The following NAA16 variants were observed in gnomAD, a reference collection of about 807,000 sequenced individuals.
NAA16 encodes the protein N-alpha-acetyltransferase 16, NatA auxiliary subunit, also known as NARG1-like protein.
In NAA16, 97 loss-of-function variants were observed where a neutral mutation model predicts 110.3. The ratio of observed to expected loss-of-function variants is 0.88; its 90% CI spans 0.75 to 1.04. The LOEUF (loss-of-function observed/expected upper bound fraction) is 1.04. Among genes scored for constraint, NAA16 ranks in the 50% least tolerant of loss-of-function variants. The pLI is 0.00. For synonymous variants in NAA16, 372 were observed against 330.6 expected (o/e 1.13, Z -1.36); for missense variants, 1,017 against 1,005.1 (o/e 1.01, Z -0.16).
intron 10 of NAA16, among the ~76,000 whole-genome samples, chr13:41,357,442 C>T (rs1181068117): frequency 1.3e-5 from 2 of 152,154 alleles, no homozygotes; most frequent in African/African-American, 2.4e-5. Flanking sequence ...TACTTGGTTC[C>T]CTTGAAATAT....
chr13:41,327,070 C>T (rs945885836), intron 6 of NAA16, among the ~76,000 whole-genome samples: 1 of 152,036 alleles, frequency 6.6e-6, no homozygotes, highest in Non-Finnish European at 1.5e-5. Flanking sequence ...CATCTCTTGC[C>T]TGAGAAAGAT....
chr13:41,341,221 A>G (rs2042536738), intron 9 of NAA16, among the ~76,000 whole-genome samples: 1 of 152,172 alleles, frequency 6.6e-6, no homozygotes, highest in Non-Finnish European at 1.5e-5. Context: ...AGGTTGCTGT[A>G]TATAGCATAG....
chr13:41,369,169 A>G lies in NAA16; in HGVS notation c.1833A>G (p.Glu611=). ...RAQKKAKLEE[E]RKHAERERQQ... Reference sequence around the variant, plus strand: ...AGAAAAAGGCTAAACTAGAAGAAGAAAGAAAGCATGCAGAAAGAGAACGTC... The same window carrying G: ...AGAAAAAGGCTAAACTAGAAGAAGAGAGAAAGCATGCAGAAAGAGAACGTC... Residue 611 remains glutamate (E), a synonymous_variant, in exon 15 of 20, where the codon GAA becomes GAG. Transcript: ENST00000379406. 6.3e-7 allele frequency: 1 copy of G among 1,598,322 alleles called. No individual in the cohort carries two copies. The highest frequency in any genetic ancestry group is 8.5e-7 in the Non-Finnish European group (1 of 1,174,304).
Position 41,328,706 on chromosome 13 carries a change from C to T in NAA16, c.692-18C>T. On this transcript the variant is annotated intron_variant, in intron 6 of 19. Coordinates refer to ENST00000379406, the MANE Select transcript of NAA16 (RefSeq NM_024561.5). ...TATTTAATGTTTAAAATGAATATGTCTTTAAACTTAATTTCAGGGGAAATA... is the reference window on the plus strand; with the variant it reads ...TATTTAATGTTTAAAATGAATATGTTTTTAAACTTAATTTCAGGGGAAATA... The T allele has an allele frequency of 1.9e-6, 3 of 1,589,848 alleles. No individual in the cohort carries two copies. Among genetic ancestry groups the T allele is most frequent in the Non-Finnish European group, 2.6e-6 (3 of 1,162,784 alleles).
chr13:41,324,166 TCTTTA>T (rs1201482249), intron 5 of NAA16, among the ~76,000 whole-genome samples: 1 of 152,098 alleles, frequency 6.6e-6, no homozygotes, highest in African/African-American at 2.4e-5. Context: ...AAGGCCACCG[TCTTTA>T]CTTAGGTTTT....
At chr13:41,359,270 C>A (rs1349926820) in intron 12 of NAA16, among the ~76,000 whole-genome samples, 1 of 152,104 alleles carries the variant, frequency 6.6e-6, no homozygotes, top group East Asian at 1.9e-4. Context: ...TATCTCAAAT[C>A]CTTTGTCCCC....
Position 41,358,926 on chromosome 13 carries a change from A to G in NAA16, c.1374A>G (p.Ile458Met), listed in dbSNP as rs572163767. ...CAKYMLRANM[I>M]KEAEEMCSKF... ...AATACATGCTTCGAGCAAATATGAT[A>G]AAAGAAGCAGAGGAAATGTGCTCCA... is the stretch of plus-strand genomic sequence containing the variant. Residue 458 changes from isoleucine to methionine, a missense_variant, in exon 12 of 20, where the codon ATA (isoleucine) becomes ATG (methionine). By Grantham distance (10) the Ile-to-Met change is conservative. Coordinates refer to ENST00000379406, the MANE Select transcript of NAA16 (RefSeq NM_024561.5). The G allele has an allele frequency of 3.7e-5, 60 of 1,610,968 alleles. No homozygotes were observed. In the South Asian group the frequency reaches 6.4e-4, roughly 17 times the overall value.
rs1381163173 is a variant in NAA16, at chr13:41,325,820, A to C, written c.660A>C (p.Ile220=). Residue 220 remains isoleucine (I), a synonymous_variant, in exon 6 of 20, where the codon ATA becomes ATC. Coordinates refer to ENST00000379406, the MANE Select transcript of NAA16 (RefSeq NM_024561.5). ...ATATAGAAATGTATGAGAAACAAAT[A>C]TGTGATAAACTTTTGGTGGAAGAAA... The part of the protein sequence containing the change: ...LEHIEMYEKQ[I]CDKLLVEEIK... 6.2e-7 allele frequency: 1 copy of C among 1,607,518 alleles called. No individual in the cohort carries two copies. Among genetic ancestry groups the C allele is most frequent in the East Asian group, 2.2e-5 (1 of 44,644 alleles).
intron 15 of NAA16, among the ~76,000 whole-genome samples, chr13:41,370,452 T>C (rs1410373355): frequency 6.6e-6 from 1 of 152,182 alleles, no homozygotes; most frequent in Non-Finnish European, 1.5e-5. Context: ...AACTGTACCA[T>C]TTTGTGCAAA....
In NAA16 at chr13:41,355,187, T is replaced by G; in HGVS notation, c.1058T>G (p.Leu353Arg). The G allele has an allele frequency of 2.5e-6, 4 of 1,589,658 alleles. No homozygotes were observed. Among genetic ancestry groups the G allele is most frequent in the Non-Finnish European group, 3.4e-6 (4 of 1,167,748 alleles). ...QELVTNYEAS[L>R]KTCDFFSPYE... is the part of the protein sequence containing the mutation. ...CTTGTTACTAATTATGAAGCCTCTC[T>G]TAAAACGTGTGACTTTTTTAGCCCA... is the stretch of plus-strand genomic sequence containing the variant. Residue 353 changes from leucine to arginine, a missense_variant, in exon 10 of 20, where the codon CTT (leucine) becomes CGT (arginine). Transcript: ENST00000379406.
intron 4 of NAA16, among the ~76,000 whole-genome samples, 169 bp downstream of exon 4, chr13:41,320,993 A>T (rs193270852): frequency 6.6e-6 from 1 of 152,202 alleles, no homozygotes; most frequent in African/African-American, 2.4e-5. Context: ...GGCACTTTGT[A>T]CTTGAGTATT....
chr13:41,336,603 A>T (rs2042387396), intron 8 of NAA16, 47 bp from the exon 9 acceptor site: 1 of 1,139,724 alleles, frequency 8.8e-7, no homozygotes, highest in South Asian at 1.5e-5. Context: ...CATTTTAAGA[A>T]TTGTTTGCGT....
chr13:41,375,533 T>C lies in NAA16; in HGVS notation c.2526T>C (p.Asn842=), dbSNP rs1328712669. Reference sequence around the variant, plus strand: ...CATCTGCCTTCTTGCCTGCTGTGAATGAAGTCGACAATCCTAATGTGGCAC... The same window carrying C: ...CATCTGCCTTCTTGCCTGCTGTGAACGAAGTCGACAATCCTAATGTGGCAC... The part of the protein sequence containing the change: ...PFTSAFLPAV[N]EVDNPNVALN... Residue 842 remains asparagine, a synonymous_variant, in exon 20 of 20, where the codon AAT becomes AAC. Transcript: ENST00000379406. 4 of 1,614,120 alleles carry C rather than the reference T, an allele frequency of 2.5e-6. No individual in the cohort carries two copies. The South Asian group carries it at 3.3e-5, about 13-fold the overall frequency.
intron 3 of NAA16, among the ~76,000 whole-genome samples, chr13:41,319,907 T>C (rs76029642): frequency 6.6e-6 from 1 of 152,206 alleles, no homozygotes; most frequent in Non-Finnish European, 1.5e-5. Flanking sequence ...GCATTTTTTT[T>C]CACATATTGC....
At chr13:41,356,173 A>ACACGCG (rs2042978018) in intron 10 of NAA16, among the ~76,000 whole-genome samples, 2 of 150,284 alleles carry the variant, frequency 1.3e-5, no homozygotes, top group African/African-American at 5.0e-5. Flanking sequence ...GTGTGTGTGC[A>ACACGCG]TACGCGCGCA....
At chr13:41,352,534 A>T (rs866822727) in intron 9 of NAA16, among the ~76,000 whole-genome samples, 2 of 151,924 alleles carry the variant, frequency 1.3e-5, no homozygotes, top group Non-Finnish European at 2.9e-5. Context: ...GCACACCTTT[A>T]GTTCCAGCTA....
chr13:41,375,826 G>T lies in NAA16; in HGVS notation c.*224G>T. The T allele has an allele frequency of 2.6e-6, 1 of 381,980 alleles. No individual in the cohort carries two copies. Among genetic ancestry groups the T allele is most frequent in the Non-Finnish European group, 4.6e-6 (1 of 215,122 alleles). 23.7% of individuals were successfully genotyped at this position (381,980 alleles called of 1,614,324 possible). Reference sequence around the variant, plus strand: ...ACACAGTTTTGTGGTAGCTCCGATCGCTTCTGTATAATTATAATTTCTTAC... The same window carrying T: ...ACACAGTTTTGTGGTAGCTCCGATCTCTTCTGTATAATTATAATTTCTTAC... On this transcript the variant is annotated 3_prime_UTR_variant, in exon 20 of 20. Coordinates refer to ENST00000379406, the MANE Select transcript of NAA16 (RefSeq NM_024561.5).
chr13:41,321,468 C>G (rs115055403), intron 4 of NAA16, among the ~76,000 whole-genome samples: 1 of 152,162 alleles, frequency 6.6e-6, no homozygotes, highest in African/African-American at 2.4e-5. Context: ...TGAGCCACTA[C>G]GCCTGGCCAT....
chr13:41,358,921 A>G lies in NAA16; in HGVS notation c.1369A>G (p.Met457Val). 3 of 1,611,256 alleles carry G rather than the reference A, an allele frequency of 1.9e-6. No homozygotes were observed. The highest frequency in any genetic ancestry group is 1.7e-5 in the Admixed American group (1 of 59,980). The change falls in exon 12 of 20, where the codon ATG becomes GTG. Residue 457 changes from methionine (M) to valine (V), a missense_variant. Met to Val is a conservative substitution (Grantham distance 21, BLOSUM62 1). Coordinates refer to ENST00000379406, the MANE Select transcript of NAA16 (RefSeq NM_024561.5). ...KCAKYMLRAN[M>V]IKEAEEMCSK... ...TGCAAAATACATGCTTCGAGCAAAT[A>G]TGATAAAAGAAGCAGAGGAAATGTG...
Sources: allele counts gnomAD v4.1 joint callset (sites outside exome capture counted in the v4.1 genomes callset), GRCh38; gene constraint gnomAD v4.1.1; transcripts MANE v1.5; gene names NCBI Gene and HGNC (gene_info 2026-07-23, HGNC 2026-07-21).